The following CNST variants were observed in gnomAD, a reference collection of about 807,000 sequenced individuals.
CNST encodes the protein consortin, connexin sorting protein.
CNST carries 39 observed loss-of-function variants against 72.4 expected under a neutral mutation model. The ratio of observed to expected loss-of-function variants is 0.54; its 90% CI spans 0.42 to 0.70. The LOEUF (loss-of-function observed/expected upper bound fraction) is 0.70. CNST is among the 30% of genes least tolerant of loss of function. CNST has a pLI of 0.00. For missense variants in CNST, 871 were observed against 868.5 expected, an observed-to-expected ratio of 1.00 and a Z score of -0.04; for synonymous variants, 332 against 320.1, an observed-to-expected ratio of 1.04 and a Z score of -0.40.
chr1:246,639,424 G>A (rs936965615), intron 6 of CNST, among the ~76,000 whole-genome samples: 27 of 152,122 alleles, frequency 1.8e-4, no homozygotes, highest in African/African-American at 5.6e-4. Flanking sequence ...CTTAGTTTGC[G>A]GAGGTGGGAG....
At chr1:246,592,022 C>T in intron 2 of CNST, 81 bp downstream of exon 2, 1 of 1,126,314 alleles carries the variant, frequency 8.9e-7, no homozygotes, top group Non-Finnish European at 1.2e-6. Context: ...TGTTTACTGT[C>T]CTGCACCTTG....
At chr1:246,589,139 A>T (rs1193586290) in intron 1 of CNST, among the ~76,000 whole-genome samples, 1 of 151,908 alleles carries the variant, frequency 6.6e-6, no homozygotes, top group Non-Finnish European at 1.5e-5. Flanking sequence ...TTATACTTTA[A>T]GTTTTAGGGT....
chr1:246,623,916 A>G (rs1664252819), intron 3 of CNST, among the ~76,000 whole-genome samples: 1 of 141,066 alleles, frequency 7.1e-6, no homozygotes, highest in South Asian at 2.2e-4. Context: ...AAAAAAATGT[A>G]GCCAGGCACG....
At chr1:246,610,995 A>G (rs533253510) in intron 2 of CNST, among the ~76,000 whole-genome samples, 64 of 152,258 alleles carry the variant, frequency 4.2e-4, no homozygotes, top group African/African-American at 1.5e-3. Flanking sequence ...TTTTCCAGCA[A>G]CACCTGCTGC....
At chr1:246,604,891 A>G (rs1267563027) in intron 2 of CNST, among the ~76,000 whole-genome samples, 1 of 151,688 alleles carries the variant, frequency 6.6e-6, no homozygotes, top group Non-Finnish European at 1.5e-5. Context: ...CTGGTCTCAG[A>G]CTCCTGACCT....
At chr1:246,573,500 G>A (rs182940800) in intron 1 of CNST, among the ~76,000 whole-genome samples, 17 of 152,268 alleles carry the variant, frequency 1.1e-4, no homozygotes, top group Non-Finnish European at 2.9e-5. Flanking sequence ...ATATCAGGTG[G>A]CCTCTTGGTT....
intron 2 of CNST, among the ~76,000 whole-genome samples, chr1:246,602,514 G>A (rs149028029): frequency 6.6e-6 from 1 of 152,324 alleles, no homozygotes; most frequent in Non-Finnish European, 1.5e-5. Flanking sequence ...ATGACAGCTG[G>A]CTTCCTCCAG....
chr1:246,647,112 TA>T, intron 8 of CNST, 26 bp from the exon 9 acceptor site: 1 of 1,580,476 alleles, frequency 6.3e-7, no homozygotes, highest in African/African-American at 1.4e-5. Flanking sequence ...TTTGAATTTT[TA>T]ACAATTTATT....
chr1:246,614,959 C>A (rs1663583258), intron 2 of CNST, among the ~76,000 whole-genome samples: 1 of 152,104 alleles, frequency 6.6e-6, no homozygotes, highest in African/African-American at 2.4e-5. Context: ...ACGTGAATGT[C>A]AGGGTACATT....
intron 9 of CNST, chr1:246,648,289 T>TA: frequency 8.8e-7 from 1 of 1,134,904 alleles, no homozygotes; most frequent in Non-Finnish European, 1.1e-6. Flanking sequence ...CGTTATTGTA[T>TA]ATATCCATTT....
intron 1 of CNST, among the ~76,000 whole-genome samples, chr1:246,578,133 G>T (rs1434964381): frequency 1.3e-5 from 2 of 151,988 alleles, no homozygotes; most frequent in Admixed American, 1.3e-4. Flanking sequence ...CTATGTTTTG[G>T]TGAGGATTGT....
chr1:246,635,187 A>G (rs1032394389), intron 6 of CNST, among the ~76,000 whole-genome samples: 28 of 152,064 alleles, frequency 1.8e-4, no homozygotes, highest in African/African-American at 6.0e-4. Context: ...GGTGTGACAT[A>G]GAGGGTGGCG....
At position 246,664,449 on chromosome 1, in the gene CNST, A is replaced by T. The variant is rs527958927; in HGVS notation, c.1973-1251A>T. Among the ~76,000 whole-genome samples, 18 of 150,500 alleles carry T rather than the reference A, an allele frequency of 1.2e-4. No individual in the cohort carries two copies. The East Asian group carries it at 3.1e-3, about 26-fold the overall frequency. On this transcript the variant is annotated intron_variant, in intron 10 of 10. Transcript: ENST00000366513. ...TTTTTTTCTTTTTTTTTTTTTGAGA[A>T]GGAGTCTCGCCCTGTGGCCCAGGCT...
intron 8 of CNST, among the ~76,000 whole-genome samples, chr1:246,643,183 T>G (rs1397729380): frequency 6.6e-6 from 1 of 152,100 alleles, no homozygotes; most frequent in Non-Finnish European, 1.5e-5. Flanking sequence ...TGAGCCACCA[T>G]GCCCGGCCAG....
At chr1:246,656,667 G>T (rs539833956) in intron 9 of CNST, among the ~76,000 whole-genome samples, 1 of 152,074 alleles carries the variant, frequency 6.6e-6, no homozygotes, top group Non-Finnish European at 1.5e-5. Flanking sequence ...GTCTGGGGCC[G>T]GGCACAGTGG....
rs539859659 is a variant in CNST at position 246,668,085 on chromosome 1, C to G, written c.*2180C>G. 6.6e-5 allele frequency: 10 copies of G among 152,256 alleles called. No individual in the cohort carries two copies. The highest frequency in any genetic ancestry group is 2.4e-4 in the African/African-American group (10 of 41,546). The allele number at this position is 152,256 out of a possible 1,614,324, so 9.4% of individuals were successfully genotyped here. On this transcript the variant is annotated 3_prime_UTR_variant, in exon 11 of 11. Coordinates refer to ENST00000366513, the MANE Select transcript of CNST (RefSeq NM_152609.3). ...GGGAACATAACGATGTTTTGACTTACAATAGGCATGAAATCGCAACTAGAA... is the reference window on the plus strand; with the variant it reads ...GGGAACATAACGATGTTTTGACTTAGAATAGGCATGAAATCGCAACTAGAA...
At chr1:246,579,310 A>T (rs1445851615) in intron 1 of CNST, among the ~76,000 whole-genome samples, 4 of 152,136 alleles carry the variant, frequency 2.6e-5, no homozygotes, top group Non-Finnish European at 5.9e-5. Context: ...TTAAGTATGT[A>T]TTCATTCTGC....
intron 2 of CNST, among the ~76,000 whole-genome samples, chr1:246,608,607 C>T (rs1663085837): frequency 6.6e-6 from 1 of 152,162 alleles, no homozygotes. Context: ...GTGGAGCTTG[C>T]GGGAGTCACA....
intron 1 of CNST, among the ~76,000 whole-genome samples, chr1:246,578,663 C>G (rs1189737593): frequency 6.7e-6 from 1 of 150,020 alleles, no homozygotes; most frequent in Non-Finnish European, 1.5e-5. Context: ...AGAGAGACTC[C>G]GTTTCAAAAA....
Sources: gnomAD v4.1 joint callset for allele counts (sites outside exome capture counted in the v4.1 genomes callset) on GRCh38, gnomAD v4.1.1 for gene constraint, MANE v1.5 for transcripts, NCBI Gene and HGNC (gene_info 2026-07-23, HGNC 2026-07-21) for gene names.